Variants in ANKRD17 observed in about 807,000 individuals in gnomAD.
ANKRD17 encodes the protein ankyrin repeat domain 17.
In ANKRD17, 19 loss-of-function variants were observed where a neutral mutation model predicts 229.7. That is an observed-to-expected ratio of 0.08 (90% CI 0.06 to 0.12). The LOEUF (loss-of-function observed/expected upper bound fraction) is 0.12. Among genes scored for constraint, ANKRD17 ranks in the 10% least tolerant of loss-of-function variants. ANKRD17 has a pLI of 1.00. For synonymous variants in ANKRD17, 1,112 were observed against 1,146.1 expected (o/e 0.97, Z 0.60); for missense variants, 2,176 against 3,176.8 (o/e 0.68, Z 7.57).
At chr4:73,185,467 GA>G (rs1223797957) in intron 1 of ANKRD17, among the ~76,000 whole-genome samples, 2 of 151,724 alleles carry the variant, frequency 1.3e-5, no homozygotes, top group Admixed American at 6.6e-5. Context: ...CTTATTCCAG[GA>G]AAAGAAGTTA....
chr4:73,148,740 A>G, intron 8 of ANKRD17, 73 bp downstream of exon 8: 2 of 1,397,878 alleles, frequency 1.4e-6, no homozygotes, highest in Non-Finnish European at 9.9e-7. Context: ...TGAAATACTA[A>G]AATCCAATTT....
chr4:73,237,595 T>C (rs1435401739), intron 1 of ANKRD17, among the ~76,000 whole-genome samples: 1 of 152,124 alleles, frequency 6.6e-6, no homozygotes, highest in Admixed American at 6.5e-5. Flanking sequence ...CAAAGTGAGT[T>C]AGAGATACAT....
intron 1 of ANKRD17, among the ~76,000 whole-genome samples, chr4:73,214,795 A>G (rs1740783425): frequency 6.7e-6 from 1 of 150,320 alleles, no homozygotes; most frequent in African/African-American, 2.4e-5. Flanking sequence ...GGACTGCTTG[A>G]AGCCAGGAGT....
At position 73,077,659 on chromosome 4, in the gene ANKRD17, T is replaced by A. The variant is rs185436055; in HGVS notation, c.7409-126A>T. On this transcript the variant is annotated intron_variant, in intron 31 of 33. Transcript: ENST00000358602. ...TTCAATATAATGACCTACTTTTATA[T>A]ATTTACAGCAATATTTCCATGGTTT... 859 of 757,920 alleles carry A rather than the reference T, an allele frequency of 1.1e-3. 1 individual carries two copies. The highest frequency in any genetic ancestry group is 1.4e-3 in the Non-Finnish European group (731 of 512,062). The allele number at this position is 757,920 out of a possible 1,614,324, so 46.9% of individuals were successfully genotyped here.
chr4:73,095,891 T>C (rs1200230036), intron 27 of ANKRD17, among the ~76,000 whole-genome samples: 2 of 152,130 alleles, frequency 1.3e-5, no homozygotes, highest in Non-Finnish European at 2.9e-5. Context: ...GGTCTTGCTA[T>C]GTTGCCCAGG....
rs866588044 is a variant in ANKRD17, at chr4:73,086,950, A to C, written c.6962-1504T>G. Among the ~76,000 whole-genome samples, 54 of 94,192 alleles carry C rather than the reference A, an allele frequency of 5.7e-4. 1 individual carries two copies. Among genetic ancestry groups the C allele is most frequent in the African/African-American group, 2.1e-3 (51 of 24,042 alleles). The allele number at this position is 94,192 out of a possible 152,430, so 61.8% of individuals were successfully genotyped here. A position where few individuals can be genotyped will look rare whatever the true frequency, so the allele number is the denominator to read the frequency against. On this transcript the variant is annotated intron_variant, in intron 29 of 33. Transcript: ENST00000358602. Reference sequence around the variant, plus strand: ...TATATATATATATATATATATATATATATCTGTAGGATTTTAAATAGGTTT... The same window carrying C: ...TATATATATATATATATATATATATCTATCTGTAGGATTTTAAATAGGTTT...
chr4:73,213,699 A>G (rs1452652879), intron 1 of ANKRD17, among the ~76,000 whole-genome samples: 1 of 152,206 alleles, frequency 6.6e-6, no homozygotes, highest in Non-Finnish European at 1.5e-5. Context: ...ATAAACATTG[A>G]TATTTATATA....
chr4:73,142,106 A>ACTG (rs751647622), intron 13 of ANKRD17, 136 bp downstream of exon 13: 9 of 936,762 alleles, frequency 9.6e-6, no homozygotes, highest in Non-Finnish European at 1.4e-5. Flanking sequence ...ATGTTCATTA[A>ACTG]CTGTATCAAG....
intron 1 of ANKRD17, 99 bp downstream of exon 1, chr4:73,258,177 A>C: frequency 1.3e-6 from 2 of 1,569,194 alleles, no homozygotes; most frequent in Middle Eastern, 1.8e-4. Flanking sequence ...CTAAGAGATC[A>C]ACCCACTGGA....
At chr4:73,139,400 T>C (rs1355472078) in intron 15 of ANKRD17, 131 bp downstream of exon 15, 6 of 1,051,606 alleles carry the variant, frequency 5.7e-6, no homozygotes, top group South Asian at 1.7e-5. Context: ...ATTGAACTAA[T>C]ACTTCTAAAG....
chr4:73,158,186 A>G (rs866754630), intron 3 of ANKRD17, among the ~76,000 whole-genome samples: 3 of 111,990 alleles, frequency 2.7e-5, no homozygotes, highest in South Asian at 2.8e-4. Context: ...GAAAGAAAGA[A>G]AGAGAGAGAA....
chr4:73,178,317 CCAGA>C (rs1415774105), intron 1 of ANKRD17, among the ~76,000 whole-genome samples: 14 of 152,242 alleles, frequency 9.2e-5, no homozygotes, highest in African/African-American at 3.4e-4. Context: ...TATTTTTCCT[CCAGA>C]CAAACACTAT....
intron 16 of ANKRD17, among the ~76,000 whole-genome samples, chr4:73,125,589 C>T (rs1321082766): frequency 2.0e-5 from 3 of 151,804 alleles, no homozygotes; most frequent in East Asian, 1.9e-4. Flanking sequence ...AAAAATTAGC[C>T]GGGTGTGGTG....
At chr4:73,165,549 G>T (rs1733118041) in intron 2 of ANKRD17, among the ~76,000 whole-genome samples, 1 of 152,152 alleles carries the variant, frequency 6.6e-6, no homozygotes, top group Non-Finnish European at 1.5e-5. Flanking sequence ...CTAATAAAAT[G>T]ATCCTAAGGT....
intron 1 of ANKRD17, among the ~76,000 whole-genome samples, chr4:73,247,091 AAAC>A (rs201259873): frequency 0.012 from 1,822 of 152,236 alleles, 20 homozygotes; most frequent in Non-Finnish European, 0.02. Flanking sequence ...ATCAATAAGA[AAAC>A]AACAAGACAA....
intron 27 of ANKRD17, among the ~76,000 whole-genome samples, chr4:73,096,375 T>C (rs1239232230): frequency 1.3e-5 from 2 of 152,176 alleles, no homozygotes; most frequent in Admixed American, 6.5e-5. Context: ...AGAATGTGTG[T>C]ATAGTGTGTG....
intron 14 of ANKRD17, 98 bp from the exon 15 acceptor site, chr4:73,140,381 T>A (rs1184936249): frequency 3.2e-6 from 4 of 1,255,080 alleles, no homozygotes; most frequent in East Asian, 2.5e-5. Context: ...ATGCACTAAG[T>A]AATCATATCC....
intron 7 of ANKRD17, among the ~76,000 whole-genome samples, chr4:73,150,391 C>T (rs1176362036): frequency 1.3e-5 from 2 of 152,118 alleles, no homozygotes; most frequent in African/African-American, 4.8e-5. Context: ...GTTTAAATTT[C>T]CTTATCATGG....
chr4:73,254,302 C>T (rs960608797), intron 1 of ANKRD17, among the ~76,000 whole-genome samples: 11 of 152,138 alleles, frequency 7.2e-5, no homozygotes, highest in Non-Finnish European at 1.5e-4. Context: ...TAAGTCAGTA[C>T]TAATTTATTT....
Sources: gnomAD v4.1 joint callset for allele counts (sites outside exome capture counted in the v4.1 genomes callset) on GRCh38, gnomAD v4.1.1 for gene constraint, MANE v1.5 for transcripts, NCBI Gene and HGNC (gene_info 2026-07-23, HGNC 2026-07-21) for gene names.